ANKFY1: variants seen among roughly 807,000 people sequenced by gnomAD.
ANKFY1 encodes the protein ankyrin repeat and FYVE domain-containing protein 1.
ANKFY1 carries 47 observed loss-of-function variants against 128.3 expected under a neutral mutation model. The observed-to-expected ratio is 0.37, with a 90% CI of 0.29 to 0.47. ANKFY1 has a LOEUF of 0.47. Among genes scored for constraint, ANKFY1 ranks in the 20% least tolerant of loss-of-function variants. The probability of loss-of-function intolerance (pLI) is 1.00; values close to 1 mark genes in which losing one functional copy is unlikely to be tolerated. For synonymous variants in ANKFY1, 553 were observed against 601.6 expected (o/e 0.92, Z 1.18); for missense variants, 1,222 against 1,510.6 (o/e 0.81, Z 3.17).
At chr17:4,257,019 T>C (rs1968166547) in intron 1 of ANKFY1, among the ~76,000 whole-genome samples, 1 of 152,184 alleles carries the variant, frequency 6.6e-6, no homozygotes, top group African/African-American at 2.4e-5. Flanking sequence ...CACATAGAAG[T>C]ATACTGGGCA....
At chr17:4,183,768 C>T (rs1268332308) in intron 13 of ANKFY1, 44 bp downstream of exon 13, 41 of 1,561,514 alleles carry the variant, frequency 2.6e-5, no homozygotes, top group Non-Finnish European at 3.4e-5. Context: ...CCACTTCGGA[C>T]AGCTGTCTGT....
intron 7 of ANKFY1, among the ~76,000 whole-genome samples, chr17:4,203,635 G>A (rs1236034931): frequency 1.3e-5 from 2 of 151,814 alleles, no homozygotes; most frequent in African/African-American, 2.4e-5. Context: ...GACCAACATG[G>A]AGAAACCCAG....
chr17:4,242,539 C>T, intron 1 of ANKFY1, 91 bp from the exon 2 acceptor site: 2 of 1,154,666 alleles, frequency 1.7e-6, no homozygotes, highest in Non-Finnish European at 2.4e-6. Flanking sequence ...GGAAAGCTCC[C>T]AAAGTGACTG....
intron 8 of ANKFY1, 87 bp downstream of exon 8, chr17:4,197,286 A>G: frequency 1.4e-6 from 2 of 1,389,372 alleles, no homozygotes; most frequent in Non-Finnish European, 2.0e-6. Context: ...ACTAAAGAAC[A>G]TGAACTCCCC....
At chr17:4,196,683 GAGAATTTTCTAACAATT>G (rs1339298228) in intron 8 of ANKFY1, among the ~76,000 whole-genome samples, 6 of 152,196 alleles carry the variant, frequency 3.9e-5, no homozygotes, top group South Asian at 2.1e-4. Context: ...GTTTAATATA[GAGAATTTTCTAACAATT>G]AGAATTTTCT....
At chr17:4,175,585 G>A (rs2143001489) in intron 19 of ANKFY1, among the ~76,000 whole-genome samples, 1 of 152,266 alleles carries the variant, frequency 6.6e-6, no homozygotes, top group East Asian at 1.9e-4. Flanking sequence ...ACTGCCTCTG[G>A]GAAAATCTAG....
At chr17:4,214,742 T>C (rs1157724697) in intron 4 of ANKFY1, among the ~76,000 whole-genome samples, 1 of 152,028 alleles carries the variant, frequency 6.6e-6, no homozygotes, top group Non-Finnish European at 1.5e-5. Context: ...TGGTGACTTT[T>C]AAAGTATAAC....
chr17:4,260,511 G>A (rs1968354670), intron 1 of ANKFY1, among the ~76,000 whole-genome samples: 1 of 151,214 alleles, frequency 6.6e-6, no homozygotes, highest in African/African-American at 2.4e-5. Flanking sequence ...CCAGCTACTT[G>A]GGAGGCTGAA....
chr17:4,238,509 T>C (rs1334999633), intron 2 of ANKFY1, among the ~76,000 whole-genome samples: 1 of 152,054 alleles, frequency 6.6e-6, no homozygotes, highest in African/African-American at 2.4e-5. Context: ...AGTTCACTCT[T>C]GTTGCCCAGG....
chr17:4,216,958 C>A, intron 4 of ANKFY1, 25 bp downstream of exon 4: 1 of 1,613,752 alleles, frequency 6.2e-7, no homozygotes. Context: ...ATCTGAGGTG[C>A]TTGAATATAT....
intron 1 of ANKFY1, among the ~76,000 whole-genome samples, chr17:4,246,721 G>A (rs1967560555): frequency 6.6e-6 from 1 of 152,140 alleles, no homozygotes; most frequent in African/African-American, 2.4e-5. Flanking sequence ...TAGCTGGCTG[G>A]GGAATTTCCA....
chr17:4,218,890 A>G (rs188687123), intron 3 of ANKFY1, among the ~76,000 whole-genome samples: 20 of 152,116 alleles, frequency 1.3e-4, no homozygotes, highest in Admixed American at 1.3e-4. Flanking sequence ...AAGAAAAAGA[A>G]AAAAAAATAG....
chr17:4,241,473 G>C (rs1967220616), intron 2 of ANKFY1, among the ~76,000 whole-genome samples: 1 of 151,212 alleles, frequency 6.6e-6, no homozygotes, highest in Non-Finnish European at 1.5e-5. Flanking sequence ...GTAGAGACGG[G>C]GTTTCACCAT....
At chr17:4,205,341 C>T (rs1178613628) in intron 7 of ANKFY1, among the ~76,000 whole-genome samples, 1 of 152,080 alleles carries the variant, frequency 6.6e-6, no homozygotes, top group African/African-American at 2.4e-5. Flanking sequence ...CATTGCAAAG[C>T]AAAATCAGCC....
At chr17:4,172,876 T>C (rs1234673934) in intron 21 of ANKFY1, among the ~76,000 whole-genome samples, 196 bp from the exon 22 acceptor site, 1 of 152,270 alleles carries the variant, frequency 6.6e-6, no homozygotes, top group Non-Finnish European at 1.5e-5. Context: ...TTGTTTGTTT[T>C]TGAGACGGAG....
At chr17:4,233,666 C>T (rs764699854) in intron 3 of ANKFY1, among the ~76,000 whole-genome samples, 15 of 152,226 alleles carry the variant, frequency 9.9e-5, no homozygotes, top group Non-Finnish European at 1.8e-4. Flanking sequence ...TTAGCCACCT[C>T]TGAAACCTTC....
intron 11 of ANKFY1, among the ~76,000 whole-genome samples, chr17:4,189,086 T>G (rs1224858385): frequency 6.6e-6 from 1 of 152,170 alleles, no homozygotes; most frequent in East Asian, 1.9e-4. Context: ...GGTAGGTTTG[T>G]GCACGCGTTT....
intron 14 of ANKFY1, 84 bp downstream of exon 14, chr17:4,183,314 C>T (rs1598027288): frequency 2.6e-6 from 4 of 1,524,004 alleles, no homozygotes; most frequent in Non-Finnish European, 2.7e-6. Flanking sequence ...GAAACAAAAA[C>T]ACTTTTCTAC....
At chr17:4,186,676 G>T in intron 11 of ANKFY1, 1 of 353,512 alleles carries the variant, frequency 2.8e-6, no homozygotes, top group Non-Finnish European at 4.0e-6. Context: ...GCCCGCCCAA[G>T]TATGTCCTCT....
Sources: gnomAD v4.1 joint callset for allele counts (sites outside exome capture counted in the v4.1 genomes callset) on GRCh38, gnomAD v4.1.1 for gene constraint, MANE v1.5 for transcripts, NCBI Gene and HGNC (gene_info 2026-07-23, HGNC 2026-07-21) for gene names.